The following CYP4F22 variants were observed in gnomAD, a reference collection of about 807,000 sequenced individuals.
CYP4F22 encodes cytochrome P450 family 4 subfamily F member 22.
In CYP4F22, 37 loss-of-function variants were observed where a neutral mutation model predicts 60.4. The observed-to-expected ratio is 0.61, with a 90% CI of 0.47 to 0.81. The LOEUF is 0.81. CYP4F22 is among the 30% of genes least tolerant of loss of function. CYP4F22 has a pLI of 0.00. For synonymous variants in CYP4F22, 258 were observed against 280.5 expected (o/e 0.92, Z 0.80); for missense variants, 655 against 715.0 (o/e 0.92, Z 0.96).
At chr19:15,538,067 C>T in intron 7 of CYP4F22, 74 bp downstream of exon 7, 1 of 1,601,040 alleles carries the variant, frequency 6.2e-7, no homozygotes, top group Non-Finnish European at 8.5e-7. Flanking sequence ...AAAGGGAACT[C>T]CCAGGCATTA....
chr19:15,525,652 C>A, intron 3 of CYP4F22, 94 bp downstream of exon 3: 1 of 1,248,584 alleles, frequency 8.0e-7, no homozygotes, highest in Non-Finnish European at 1.1e-6. Context: ...CCACAGCCTC[C>A]CAAGAATCTG....
intron 10 of CYP4F22, among the ~76,000 whole-genome samples, chr19:15,547,776 T>TG (rs1971543130): frequency 1.3e-5 from 2 of 150,062 alleles, no homozygotes; most frequent in South Asian, 4.2e-4. Flanking sequence ...TGACCCGAGA[T>TG]GCGCCACTAT....
At chr19:15,545,172 A>G (rs1971507762) in intron 10 of CYP4F22, among the ~76,000 whole-genome samples, 1 of 152,200 alleles carries the variant, frequency 6.6e-6, no homozygotes, top group South Asian at 2.1e-4. Context: ...CACGTGACCA[A>G]GCCCAGCATG....
intron 1 of CYP4F22, among the ~76,000 whole-genome samples, chr19:15,513,954 TG>T (rs1971124868): frequency 6.6e-6 from 1 of 152,184 alleles, no homozygotes; most frequent in African/African-American, 2.4e-5. Flanking sequence ...GTGAACTATG[TG>T]GAGATCATAT....
Position 15,551,698 on chromosome 19 carries a change from C to A in CYP4F22, c.*227C>A. ...CCCGCCCCTTGAGGCTTAGGTCCCG[C>A]CCCCTGACTTCTCGCACCTGTCCTG... On this transcript the variant is annotated 3_prime_UTR_variant, in exon 14 of 14. Coordinates refer to ENST00000269703, the MANE Select transcript of CYP4F22 (RefSeq NM_173483.4). 1.6e-6 allele frequency: 1 copy of A among 611,384 alleles called. No homozygotes were observed. Among genetic ancestry groups the A allele is most frequent in the Non-Finnish European group, 2.9e-6 (1 of 349,296 alleles). The allele number at this position is 611,384 out of a possible 1,614,324, so 37.9% of individuals were successfully genotyped here. A position where few individuals can be genotyped will look rare whatever the true frequency, so the allele number is the denominator to read the frequency against.
intron 1 of CYP4F22, among the ~76,000 whole-genome samples, chr19:15,518,462 A>G (rs1295486467): frequency 3.4e-5 from 5 of 146,466 alleles, no homozygotes; most frequent in Non-Finnish European, 6.0e-5. Flanking sequence ...AACACGGTGA[A>G]ACCCCATCTC....
At chr19:15,526,401 C>G (rs1283880472) in intron 3 of CYP4F22, among the ~76,000 whole-genome samples, 2 of 152,168 alleles carry the variant, frequency 1.3e-5, no homozygotes, top group Non-Finnish European at 2.9e-5. Context: ...GCTATGTTGC[C>G]TAGGCTGATC....
intron 10 of CYP4F22, among the ~76,000 whole-genome samples, chr19:15,546,489 C>T (rs917569839): frequency 5.9e-5 from 9 of 152,062 alleles, no homozygotes; most frequent in Admixed American, 5.2e-4. Flanking sequence ...GAAGCTGAGG[C>T]GTGAGAATTG....
At chr19:15,548,937 C>A (rs941978029) in intron 11 of CYP4F22, among the ~76,000 whole-genome samples, 2 of 152,056 alleles carry the variant, frequency 1.3e-5, no homozygotes, top group South Asian at 2.1e-4. Context: ...GCTTGGCAGC[C>A]AGAAAGAAGA....
At chr19:15,550,593 C>A in intron 12 of CYP4F22, 81 bp from the exon 13 acceptor site, 1 of 1,416,368 alleles carries the variant, frequency 7.1e-7, no homozygotes, top group Non-Finnish European at 1.0e-6. Context: ...TCTTTACTGA[C>A]CCCCAGAGGC....
intron 8 of CYP4F22, among the ~76,000 whole-genome samples, chr19:15,541,680 A>T (rs182936822): frequency 6.6e-6 from 1 of 152,094 alleles, no homozygotes; most frequent in Non-Finnish European, 1.5e-5. Flanking sequence ...CAGGAATTCG[A>T]GACCAGCCTG....
At chr19:15,525,228 G>A in intron 2 of CYP4F22, 108 bp from the exon 3 acceptor site, 3 of 1,068,762 alleles carry the variant, frequency 2.8e-6, no homozygotes, top group Non-Finnish European at 4.2e-6. Flanking sequence ...CTTGGTGTCT[G>A]GAACTCACGT....
chr19:15,547,017 A>ATTTTTT (rs1971533476), intron 10 of CYP4F22, among the ~76,000 whole-genome samples: 2 of 36,280 alleles, frequency 5.5e-5, no homozygotes, highest in African/African-American at 2.8e-4. Flanking sequence ...GGCCTGCACC[A>ATTTTTT]GTTTTTTTTT....
chr19:15,545,373 C>T (rs1002312525), intron 10 of CYP4F22, among the ~76,000 whole-genome samples: 3 of 151,374 alleles, frequency 2.0e-5, no homozygotes, highest in Non-Finnish European at 4.4e-5. Context: ...TTAGGCTGGG[C>T]GTGGTGGCTC....
At chr19:15,524,791 TTA>T (rs1262917475) in intron 2 of CYP4F22, among the ~76,000 whole-genome samples, 1 of 152,200 alleles carries the variant, frequency 6.6e-6, no homozygotes, top group Non-Finnish European at 1.5e-5. Flanking sequence ...ATTATTCCCT[TTA>T]AAATAATTAA....
Position 15,548,041 on chromosome 19 carries a change from G to GAT in CYP4F22, c.1137-67_1137-66insAT, listed in dbSNP as rs1568364074. On this transcript the variant is annotated intron_variant, in intron 10 of 13. Transcript: ENST00000269703. The stretch of plus-strand genomic sequence containing the variant: ...TGTGTGTGTGTGTGTGTGTGTGTGT[G>GAT]TGTGTGTGTTTTGGGGAGGTGGTGC... The GAT allele has an allele frequency of 9.6e-6, 13 of 1,348,610 alleles. No homozygotes were observed. In the African/African-American group the frequency reaches 2.0e-4, roughly 20 times the overall value. 83.5% of individuals were successfully genotyped at this position (1,348,610 alleles called of 1,614,324 possible).
At chr19:15,519,405 G>C (rs1971195143) in intron 1 of CYP4F22, among the ~76,000 whole-genome samples, 1 of 152,064 alleles carries the variant, frequency 6.6e-6, no homozygotes, top group Non-Finnish European at 1.5e-5. Context: ...TGGGACTACA[G>C]GCGCCCGCCA....
chr19:15,550,497 T>A (rs138520430), intron 12 of CYP4F22, among the ~76,000 whole-genome samples, 177 bp from the exon 13 acceptor site: 352 of 152,182 alleles, frequency 2.3e-3, no homozygotes, highest in African/African-American at 8.1e-3. Context: ...CTGGTGCGTG[T>A]GAACAACAGA....
intron 1 of CYP4F22, among the ~76,000 whole-genome samples, chr19:15,518,498 A>T (rs564905788): frequency 0.015 from 2,260 of 149,708 alleles, 71 homozygotes; most frequent in African/African-American, 0.053. Flanking sequence ...AAAAAAAAAA[A>T]ATTACCTGGG....
Sources: allele counts gnomAD v4.1 joint callset (sites outside exome capture counted in the v4.1 genomes callset), GRCh38; gene constraint gnomAD v4.1.1; transcripts MANE v1.5; gene names NCBI Gene and HGNC (gene_info 2026-07-23, HGNC 2026-07-21).